The following MALRD1 variants were observed in gnomAD, a reference collection of about 807,000 sequenced individuals.
MALRD1 encodes MAM and LDL-receptor class A domain-containing protein 1.
MALRD1 carries 247 observed loss-of-function variants against 242.1 expected under a neutral mutation model. The ratio of observed to expected loss-of-function variants is 1.02; its 90% CI spans 0.92 to 1.13. The LOEUF (loss-of-function observed/expected upper bound fraction) is 1.13. Among genes scored for constraint, MALRD1 ranks in the 50% most tolerant of loss-of-function variants. MALRD1 has a pLI of 0.00. For synonymous variants in MALRD1, 995 were observed against 866.6 expected (o/e 1.15, Z -2.60); for missense variants, 2,989 against 2,533.1 (o/e 1.18, Z -3.86).
chr10:19,553,094 A>G (rs1202449924), intron 32 of MALRD1, among the ~76,000 whole-genome samples: 1 of 152,122 alleles, frequency 6.6e-6, no homozygotes, highest in Non-Finnish European at 1.5e-5. Flanking sequence ...TAAGAGGACT[A>G]TTTTATTTAT....
intron 31 of MALRD1, among the ~76,000 whole-genome samples, chr10:19,518,430 C>G (rs576091805): frequency 6.6e-6 from 1 of 152,062 alleles, no homozygotes; most frequent in East Asian, 1.9e-4. Context: ...TTTATATTTT[C>G]TTTATCTTTT....
chr10:19,156,905 A>G (rs574737647), intron 12 of MALRD1, among the ~76,000 whole-genome samples: 70 of 152,220 alleles, frequency 4.6e-4, no homozygotes, highest in African/African-American at 1.6e-3. Flanking sequence ...TGTCATGGAC[A>G]TTTTGGGTGC....
At chr10:19,261,439 C>T (rs1839743585) in intron 19 of MALRD1, among the ~76,000 whole-genome samples, 1 of 141,402 alleles carries the variant, frequency 7.1e-6, no homozygotes, top group Admixed American at 7.1e-5. Context: ...AAAAATTGAG[C>T]TCTACGTAAA....
intron 31 of MALRD1, 65 bp downstream of exon 31, chr10:19,498,711 G>C: frequency 2.0e-6 from 3 of 1,493,202 alleles, no homozygotes; most frequent in Non-Finnish European, 2.7e-6. Context: ...TTAACAATTT[G>C]TGTGAATTTC....
intron 33 of MALRD1, among the ~76,000 whole-genome samples, chr10:19,583,522 A>G (rs1837234163): frequency 6.6e-6 from 1 of 150,688 alleles, no homozygotes; most frequent in African/African-American, 2.4e-5. Flanking sequence ...ATGCTGGATT[A>G]CATTTATTGA....
chr10:19,389,712 T>G, intron 28 of MALRD1, 103 bp downstream of exon 28: 1 of 1,250,144 alleles, frequency 8.0e-7, no homozygotes, highest in Non-Finnish European at 1.1e-6. Context: ...CAGTCATGGC[T>G]TACTGCAGCC....
intron 2 of MALRD1, among the ~76,000 whole-genome samples, chr10:19,085,862 G>A (rs1231390187): frequency 6.6e-6 from 1 of 151,916 alleles, no homozygotes; most frequent in Non-Finnish European, 1.5e-5. Context: ...ATTCTTTTTA[G>A]TAGTTGAATA....
chr10:19,563,030 T>C (rs202057296), intron 32 of MALRD1, among the ~76,000 whole-genome samples: 1 of 151,374 alleles, frequency 6.6e-6, no homozygotes, highest in Non-Finnish European at 1.5e-5. Context: ...TTTATTCAGC[T>C]TTTTTTTGTG....
chr10:19,053,447 A>C (rs1390615313), intron 1 of MALRD1, among the ~76,000 whole-genome samples: 1 of 152,188 alleles, frequency 6.6e-6, no homozygotes, highest in Non-Finnish European at 1.5e-5. Context: ...GAATTAAGAA[A>C]GAAGCTGGTG....
chr10:19,658,283 C>T (rs1009344519), intron 36 of MALRD1, among the ~76,000 whole-genome samples: 1 of 152,074 alleles, frequency 6.6e-6, no homozygotes, highest in African/African-American at 2.4e-5. Context: ...CCTCTTTAAA[C>T]GTTGATATCT....
chr10:19,359,261 T>C (rs1844783822), intron 26 of MALRD1, among the ~76,000 whole-genome samples: 2 of 152,148 alleles, frequency 1.3e-5, no homozygotes, highest in South Asian at 4.1e-4. Flanking sequence ...GTTTTTAATA[T>C]CCAAATTTCA....
chr10:19,234,443 A>G (rs1185147570), intron 18 of MALRD1, among the ~76,000 whole-genome samples: 2 of 152,132 alleles, frequency 1.3e-5, no homozygotes, highest in Non-Finnish European at 2.9e-5. Flanking sequence ...CCTGATAGAT[A>G]TGAACAAATC....
chr10:19,630,142 A>G (rs1029581662), intron 36 of MALRD1, among the ~76,000 whole-genome samples: 2 of 152,168 alleles, frequency 1.3e-5, no homozygotes, highest in African/African-American at 4.8e-5. Context: ...TTTCAGAAAA[A>G]GACTTATTTT....
At chr10:19,684,511 T>A (rs148746437) in intron 36 of MALRD1, among the ~76,000 whole-genome samples, 1 of 152,118 alleles carries the variant, frequency 6.6e-6, no homozygotes, top group Non-Finnish European at 1.5e-5. Context: ...ATTCCAGCAC[T>A]TGGGGAGGCT....
intron 18 of MALRD1, among the ~76,000 whole-genome samples, chr10:19,217,708 G>A (rs182932675): frequency 2.0e-5 from 3 of 150,934 alleles, no homozygotes; most frequent in Admixed American, 6.6e-5. Flanking sequence ...TGTATTTTTA[G>A]TAGAGACGGA....
intron 24 of MALRD1, among the ~76,000 whole-genome samples, chr10:19,341,527 T>C (rs868572625): frequency 9.0e-5 from 13 of 145,068 alleles, no homozygotes; most frequent in African/African-American, 1.8e-4. Flanking sequence ...TATATATGTA[T>C]ATATATACAC....
intron 21 of MALRD1, among the ~76,000 whole-genome samples, chr10:19,323,252 C>T (rs902433537): frequency 2.6e-5 from 4 of 152,110 alleles, no homozygotes; most frequent in Non-Finnish European, 5.9e-5. Context: ...TCATCTCCTA[C>T]TTATTCATGT....
At chr10:19,300,354 C>A (rs1171441356) in intron 21 of MALRD1, among the ~76,000 whole-genome samples, 1 of 151,674 alleles carries the variant, frequency 6.6e-6, no homozygotes, top group Non-Finnish European at 1.5e-5. Flanking sequence ...TCACAGAATT[C>A]AAAAAACTAT....
At chr10:19,306,211 T>C (rs1025733929) in intron 21 of MALRD1, among the ~76,000 whole-genome samples, 1 of 130,696 alleles carries the variant, frequency 7.7e-6, no homozygotes, top group African/African-American at 2.8e-5. Context: ...AGTATATATA[T>C]ACACACACAT....
Sources: gnomAD v4.1 joint callset for allele counts (sites outside exome capture counted in the v4.1 genomes callset) on GRCh38, gnomAD v4.1.1 for gene constraint, MANE v1.5 for transcripts, NCBI Gene and HGNC (gene_info 2026-07-23, HGNC 2026-07-21) for gene names.